IFT88: variants seen among roughly 807,000 people sequenced by gnomAD.
IFT88 encodes intraflagellar transport protein 88 homolog.
In IFT88, 74 loss-of-function variants were observed where a neutral mutation model predicts 119.5. The ratio of observed to expected loss-of-function variants is 0.62; its 90% confidence interval spans 0.51 to 0.75. The LOEUF (loss-of-function observed/expected upper bound fraction) is 0.75. IFT88 is among the 30% of genes least tolerant of loss of function. IFT88 has a pLI of 0.00. For synonymous variants in IFT88, 279 were observed against 316.7 expected, an observed-to-expected ratio of 0.88 and a Z score of 1.26; for missense variants, 961 against 977.7, an observed-to-expected ratio of 0.98 and a Z score of 0.23.
chr13:20,604,433 G>C (rs1269719225), intron 12 of IFT88, among the ~76,000 whole-genome samples: 1 of 152,104 alleles, frequency 6.6e-6, no homozygotes, highest in East Asian at 1.9e-4. Flanking sequence ...TTTGAGTTTA[G>C]AATTAAAGTA....
chr13:20,665,862 G>A (rs1419201712), intron 23 of IFT88, among the ~76,000 whole-genome samples: 1 of 152,242 alleles, frequency 6.6e-6, no homozygotes, highest in Non-Finnish European at 1.5e-5. Context: ...AGACGGGCTT[G>A]TGTTTGGAGT....
chr13:20,655,347 A>G (rs1038334725), intron 21 of IFT88, among the ~76,000 whole-genome samples: 2 of 151,428 alleles, frequency 1.3e-5, no homozygotes, highest in Non-Finnish European at 2.9e-5. Flanking sequence ...CAGGAGAATC[A>G]CTTGAAGCCA....
At chr13:20,603,414 G>C (rs1442648339) in intron 12 of IFT88, among the ~76,000 whole-genome samples, 2 of 151,186 alleles carry the variant, frequency 1.3e-5, no homozygotes, top group African/African-American at 4.9e-5. Flanking sequence ...GATTATAAGA[G>C]TACTGTAGCA....
At chr13:20,644,767 A>G (rs758529779) in intron 19 of IFT88, 76 bp from the exon 20 acceptor site, 1 of 661,930 alleles carries the variant, frequency 1.5e-6, no homozygotes, top group Non-Finnish European at 2.7e-6. Flanking sequence ...AATTTATTCA[A>G]TAGGTAAAGT....
chr13:20,599,606 G>A (rs2042275086), intron 11 of IFT88, 41 bp downstream of exon 11: 2 of 912,230 alleles, frequency 2.2e-6, no homozygotes, highest in Non-Finnish European at 3.4e-6. Flanking sequence ...AAATTTAAGT[G>A]TTTTTCTGAA....
chr13:20,668,649 G>A (rs1013900616), intron 23 of IFT88, among the ~76,000 whole-genome samples: 1 of 152,164 alleles, frequency 6.6e-6, no homozygotes, highest in African/African-American at 2.4e-5. Flanking sequence ...GAAGGAGAAA[G>A]ACAAACCGGT....
At chr13:20,638,199 C>G (rs986407195) in intron 16 of IFT88, 133 bp from the exon 17 acceptor site, 2 of 489,726 alleles carry the variant, frequency 4.1e-6, no homozygotes, top group South Asian at 9.6e-5. Context: ...ACTATCAAGA[C>G]CAAGATATGT....
At chr13:20,609,504 C>T (rs1410831767) in intron 13 of IFT88, among the ~76,000 whole-genome samples, 1 of 152,076 alleles carries the variant, frequency 6.6e-6, no homozygotes, top group Non-Finnish European at 1.5e-5. Context: ...ACCCTGTAAT[C>T]CCAGCCCTTC....
At chr13:20,666,671 C>T (rs2054743200) in intron 23 of IFT88, among the ~76,000 whole-genome samples, 1 of 152,158 alleles carries the variant, frequency 6.6e-6, no homozygotes, top group Non-Finnish European at 1.5e-5. Context: ...TGCCTTCTCT[C>T]ATTTTTTTTC....
chr13:20,685,932 T>C (rs956362651), intron 24 of IFT88, among the ~76,000 whole-genome samples: 2 of 152,256 alleles, frequency 1.3e-5, no homozygotes, highest in Non-Finnish European at 2.9e-5. Context: ...GGAACTTACT[T>C]TAAAGAAATA....
intron 24 of IFT88, among the ~76,000 whole-genome samples, chr13:20,685,302 A>T (rs1413091807): frequency 6.6e-6 from 1 of 152,196 alleles, no homozygotes; most frequent in Admixed American, 6.5e-5. Flanking sequence ...AACGACTTCT[A>T]GCAGTGTGTG....
At chr13:20,663,406 G>C (rs1239023926) in intron 22 of IFT88, 92 bp from the exon 23 acceptor site, 3 of 1,559,086 alleles carry the variant, frequency 1.9e-6, no homozygotes, top group Non-Finnish European at 2.6e-6. Context: ...ATTCCTACCT[G>C]TATCCCAAAA....
chr13:20,628,598 C>T (rs989440921), intron 15 of IFT88, among the ~76,000 whole-genome samples: 1 of 152,086 alleles, frequency 6.6e-6, no homozygotes, highest in Non-Finnish European at 1.5e-5. Flanking sequence ...ATGTAGAGAA[C>T]AGTTATGAAA....
At position 20,605,029 on chromosome 13, in the gene IFT88, T is replaced by C; in HGVS notation, c.1042-6T>C. 3.0e-6 allele frequency: 4 copies of C among 1,353,672 alleles called. No individual in the cohort carries two copies. Among genetic ancestry groups the C allele is most frequent in the South Asian group, 1.2e-5 (1 of 81,714 alleles). The allele number at this position is 1,353,672 out of a possible 1,614,324, so 83.9% of individuals were successfully genotyped here. On this transcript the variant is annotated splice_polypyrimidine_tract_variant and splice_region_variant and intron_variant, in intron 12 of 25. Coordinates refer to ENST00000351808, the MANE Select transcript of IFT88 (RefSeq NM_006531.5). ...ATTCTTTTTTTCTTCCATTTTATTT[T>C]ACCAGGATGATCCTCATACTAACTT...
Position 20,665,108 on chromosome 13 carries a change from A to G in IFT88, c.2175+1504A>G, listed in dbSNP as rs765517184. Among the ~76,000 whole-genome samples, 3 of 152,144 alleles carry G rather than the reference A, an allele frequency of 2.0e-5. No homozygotes were observed. In the East Asian group the frequency reaches 5.8e-4, roughly 29 times the overall value. On this transcript the variant is annotated intron_variant, in intron 23 of 25. Transcript: ENST00000351808. ...AAAAAAAAAGACAAAAATGCAGAAT[A>G]TTTTCATTGCTAGTCTAAAGATAAA...
chr13:20,569,437 G>C (rs1455658686), intron 1 of IFT88, among the ~76,000 whole-genome samples: 3 of 151,494 alleles, frequency 2.0e-5, no homozygotes, highest in Non-Finnish European at 4.4e-5. Flanking sequence ...GCCGGGCGTG[G>C]TGGCGGGCGC....
intron 14 of IFT88, among the ~76,000 whole-genome samples, chr13:20,617,368 G>A (rs889523375): frequency 1.3e-5 from 2 of 152,078 alleles, no homozygotes; most frequent in African/African-American, 2.4e-5. Flanking sequence ...GCCCCCACAC[G>A]CTGCTGGGGA....
intron 14 of IFT88, among the ~76,000 whole-genome samples, chr13:20,617,430 A>G (rs1411287286): frequency 2.0e-5 from 3 of 152,220 alleles, no homozygotes; most frequent in Non-Finnish European, 4.4e-5. Flanking sequence ...GAAGTCAAAC[A>G]AAGCCGATAC....
At chr13:20,582,508 T>A (rs2038892890) in intron 2 of IFT88, among the ~76,000 whole-genome samples, 1 of 151,450 alleles carries the variant, frequency 6.6e-6, no homozygotes, top group Admixed American at 6.6e-5. Context: ...CCAAAGAGAG[T>A]GCCCCCTGCT....
Sources: gnomAD v4.1 joint callset for allele counts (sites outside exome capture counted in the v4.1 genomes callset) on GRCh38, gnomAD v4.1.1 for gene constraint, MANE v1.5 for transcripts, NCBI Gene and HGNC (gene_info 2026-07-23, HGNC 2026-07-21) for gene names.